CSMD1: variants seen among roughly 807,000 people sequenced by gnomAD.
CSMD1 encodes the protein CUB and sushi domain-containing protein 1.
A neutral mutation model predicts 417.5 loss-of-function variants in CSMD1; 213 were observed. That is an observed-to-expected ratio of 0.51 (90% confidence interval 0.46 to 0.57). The LOEUF is 0.57. CSMD1 is among the 20% of genes least tolerant of loss of function. The probability of loss-of-function intolerance (pLI) is 0.00; values close to 1 mark genes in which losing one functional copy is unlikely to be tolerated. For missense variants in CSMD1, 6,923 were observed against 4,529.7 expected, an observed-to-expected ratio of 1.53 and a Z score of -15.17; for synonymous variants, 2,862 against 1,736.8, an observed-to-expected ratio of 1.65 and a Z score of -16.11.
chr8:3,772,908 T>TA (rs1014372262), intron 5 of CSMD1, among the ~76,000 whole-genome samples: 1 of 152,112 alleles, frequency 6.6e-6, no homozygotes, highest in East Asian at 1.9e-4. Context: ...TGAGGGCTGA[T>TA]AAAAGACATG....
intron 4 of CSMD1, among the ~76,000 whole-genome samples, chr8:4,029,790 T>C (rs1470649837): frequency 6.6e-6 from 1 of 152,164 alleles, no homozygotes; most frequent in Non-Finnish European, 1.5e-5. Context: ...AAAACAAGTA[T>C]CTTCCTCTTA....
chr8:4,529,951 G>A (rs752721492), intron 2 of CSMD1, among the ~76,000 whole-genome samples: 2 of 150,030 alleles, frequency 1.3e-5, no homozygotes, highest in Non-Finnish European at 3.0e-5. Context: ...GTCTCGATTT[G>A]TCACCCAGGC....
At chr8:4,903,528 A>G (rs1805038001) in intron 1 of CSMD1, among the ~76,000 whole-genome samples, 1 of 152,158 alleles carries the variant, frequency 6.6e-6, no homozygotes, top group African/African-American at 2.4e-5. Flanking sequence ...AAAAATACTG[A>G]AACAGGAGAT....
At chr8:3,840,679 AATT>A (rs1585074733) in intron 5 of CSMD1, among the ~76,000 whole-genome samples, 1 of 149,260 alleles carries the variant, frequency 6.7e-6, no homozygotes, top group East Asian at 2.0e-4. Flanking sequence ...CAGTGACCTC[AATT>A]CTTTTTTTTA....
At chr8:3,399,290 C>G in intron 16 of CSMD1, 101 bp downstream of exon 16, 1 of 1,148,236 alleles carries the variant, frequency 8.7e-7, no homozygotes, top group Non-Finnish European at 1.2e-6. Context: ...ATGCGGGAAC[C>G]GAAAAAAACT....
At chr8:4,512,462 A>G (rs143661096) in intron 2 of CSMD1, among the ~76,000 whole-genome samples, 1 of 152,304 alleles carries the variant, frequency 6.6e-6, no homozygotes, top group Admixed American at 6.5e-5. Flanking sequence ...AATGGAATAC[A>G]GATAGAGAAG....
chr8:4,402,643 C>A (rs1372505734), intron 3 of CSMD1, among the ~76,000 whole-genome samples: 1 of 152,110 alleles, frequency 6.6e-6, no homozygotes, highest in African/African-American at 2.4e-5. Context: ...ACCTATCCCT[C>A]ATCACATTTT....
In CSMD1 at chr8:4,070,545, G is replaced by C. The variant is rs1299278726; in HGVS notation, c.416-38446C>G. Among the ~76,000 whole-genome samples, 5 of 152,224 alleles carry C rather than the reference G, an allele frequency of 3.3e-5. No individual in the cohort carries two copies. The Middle Eastern group carries it at 0.014, about 414-fold the overall frequency. On this transcript the variant is annotated intron_variant, in intron 3 of 69. Coordinates refer to ENST00000635120, the MANE Select transcript of CSMD1 (RefSeq NM_033225.6). ...GCTATTTTTTTGTATTTTTAGTAGAGACGGGGTTTCACCGTGTTAGCCAGG... is the reference window on the plus strand; with the variant it reads ...GCTATTTTTTTGTATTTTTAGTAGACACGGGGTTTCACCGTGTTAGCCAGG...
chr8:3,837,848 C>G (rs926390158), intron 5 of CSMD1, among the ~76,000 whole-genome samples: 3 of 152,110 alleles, frequency 2.0e-5, no homozygotes, highest in Admixed American at 6.6e-5. Context: ...ATTCTATTGC[C>G]ACAGCTTCAT....
chr8:4,382,770 C>T (rs1803188040), intron 3 of CSMD1, among the ~76,000 whole-genome samples: 1 of 152,090 alleles, frequency 6.6e-6, no homozygotes, highest in Non-Finnish European at 1.5e-5. Context: ...CTAAAAGAAA[C>T]ACAAAATAAT....
chr8:4,516,032 G>C (rs1191409984), intron 2 of CSMD1, among the ~76,000 whole-genome samples: 1 of 152,166 alleles, frequency 6.6e-6, no homozygotes, highest in African/African-American at 2.4e-5. Flanking sequence ...GTTGAGGACT[G>C]AGTTCTGTCT....
intron 5 of CSMD1, among the ~76,000 whole-genome samples, chr8:3,824,590 G>A (rs909650481): frequency 7.9e-5 from 12 of 152,176 alleles, no homozygotes; most frequent in African/African-American, 2.9e-4. Flanking sequence ...TGACTTCACA[G>A]GAAAAACATA....
At chr8:2,991,373 A>AT (rs1806371303) in intron 54 of CSMD1, among the ~76,000 whole-genome samples, 1 of 152,302 alleles carries the variant, frequency 6.6e-6, no homozygotes, top group South Asian at 2.1e-4. Context: ...ACTGTTGGAG[A>AT]TTTTTTTGGC....
At chr8:4,766,350 T>C (rs1356192316) in intron 1 of CSMD1, among the ~76,000 whole-genome samples, 1 of 152,160 alleles carries the variant, frequency 6.6e-6, no homozygotes, top group African/African-American at 2.4e-5. Context: ...TGTAAGGTTG[T>C]TAGGACACAA....
intron 3 of CSMD1, among the ~76,000 whole-genome samples, chr8:4,413,685 C>A (rs1796773693): frequency 6.6e-6 from 1 of 152,062 alleles, no homozygotes; most frequent in Non-Finnish European, 1.5e-5. Flanking sequence ...AGAACTTACC[C>A]AGTGAGTATT....
intron 26 of CSMD1, among the ~76,000 whole-genome samples, chr8:3,252,579 A>G (rs1674833643): frequency 6.6e-6 from 1 of 152,178 alleles, no homozygotes; most frequent in African/African-American, 2.4e-5. Context: ...GGCCTCATAA[A>G]ATGAGTTAGG....
At position 4,072,870 on chromosome 8, in the gene CSMD1, C is replaced by T. The variant is rs149676251; in HGVS notation, c.416-40771G>A. On this transcript the variant is annotated intron_variant, in intron 3 of 69. Transcript: ENST00000635120. ...AACAATTTAGAAGCTTGAAAATAAA[C>T]CCAACCTCTATGTACAGTGGAAAAA... 5.3e-5 allele frequency among the ~76,000 whole-genome samples: 8 copies of T among 152,270 alleles called. No homozygotes were observed. The East Asian group carries it at 1.5e-3, about 29-fold the overall frequency.
rs117839308 is a variant in CSMD1, at chr8:4,585,310, T to C, written c.302+52032A>G. 8.6e-3 allele frequency among the ~76,000 whole-genome samples: 1,312 copies of C among 152,190 alleles called. 11 individuals carry two copies. Among genetic ancestry groups the C allele is most frequent in the Non-Finnish European group, 0.013 (889 of 67,996 alleles). ...CAGTCCCAGAAATTAAAAATTAAGCTAATTAATAGCAGATTAGGCAAAGTT... is the reference window on the plus strand; with the variant it reads ...CAGTCCCAGAAATTAAAAATTAAGCCAATTAATAGCAGATTAGGCAAAGTT... On this transcript the variant is annotated intron_variant, in intron 2 of 69. Transcript: ENST00000635120.
intron 1 of CSMD1, among the ~76,000 whole-genome samples, chr8:4,987,401 A>C (rs1811234940): frequency 6.6e-6 from 1 of 152,180 alleles, no homozygotes; most frequent in Admixed American, 6.5e-5. Flanking sequence ...CACTTTAGGA[A>C]AACGCTCAGT....
Sources: allele counts gnomAD v4.1 joint callset (sites outside exome capture counted in the v4.1 genomes callset), GRCh38; gene constraint gnomAD v4.1.1; transcripts MANE v1.5; gene names NCBI Gene and HGNC (gene_info 2026-07-23, HGNC 2026-07-21).